FMN1: variants seen among roughly 807,000 people sequenced by gnomAD.
FMN1 encodes the protein formin 1.
Under a neutral mutation model 132.4 loss-of-function variants are expected in FMN1, and 110 were observed. The ratio of observed to expected loss-of-function variants is 0.83; its 90% CI spans 0.71 to 0.97. The LOEUF (loss-of-function observed/expected upper bound fraction) is 0.97, where lower values mean the gene tolerates loss of function less well. Ranked by LOEUF, FMN1 falls within the 50% of genes least tolerant of loss-of-function variation. The pLI, the probability that FMN1 is intolerant of heterozygous loss-of-function variation, is 0.00. For synonymous variants in FMN1, 722 were observed against 651.7 expected, an observed-to-expected ratio of 1.11 and a Z score of -1.64; for missense variants, 1,792 against 1,705.3, an observed-to-expected ratio of 1.05 and a Z score of -0.90.
chr15:33,079,099 G>A (rs1307808469), intron 5 of FMN1, among the ~76,000 whole-genome samples: 1 of 152,038 alleles, frequency 6.6e-6, no homozygotes, highest in Non-Finnish European at 1.5e-5. Context: ...ATAAAATTCA[G>A]TTCTATTCTG....
At chr15:33,051,956 T>G (rs553069422) in intron 6 of FMN1, among the ~76,000 whole-genome samples, 8 of 152,324 alleles carry the variant, frequency 5.3e-5, no homozygotes, top group Non-Finnish European at 1.2e-4. Flanking sequence ...GCTCTAAAGT[T>G]TTTTAATCAA....
At chr15:33,066,848 G>C (rs778766727) in intron 5 of FMN1, 2 of 1,613,972 alleles carry the variant, frequency 1.2e-6, no homozygotes, top group Admixed American at 1.7e-5. Context: ...GAGCAGCAGA[G>C]AGAGCTGCTC....
intron 7 of FMN1, among the ~76,000 whole-genome samples, chr15:32,981,892 GATCA>G (rs1199086790): frequency 1.3e-5 from 2 of 152,018 alleles, no homozygotes; most frequent in East Asian, 1.9e-4. Flanking sequence ...TTTAAAAACT[GATCA>G]ATTAGACAGA....
chr15:32,807,824 T>G (rs559149572), intron 17 of FMN1, among the ~76,000 whole-genome samples: 1 of 152,122 alleles, frequency 6.6e-6, no homozygotes, highest in Non-Finnish European at 1.5e-5. Flanking sequence ...GAGAAGAAAT[T>G]AGAGATTTAA....
rs1323279335 is a variant in FMN1 at position 33,082,197 on chromosome 15, C to T, written c.2043+6602G>A. ...AAGCGATTCTTCTGCCTCAGCCTCC[C>T]GAGCATCTGGGATTACAGGCGCCCA... On this transcript the variant is annotated intron_variant, in intron 5 of 20. Coordinates refer to ENST00000616417, the MANE Select transcript of FMN1 (RefSeq NM_001277313.2). Among the ~76,000 whole-genome samples, 15 of 151,958 alleles carry T rather than the reference C, an allele frequency of 9.9e-5. No individual in the cohort carries two copies. The South Asian group carries it at 1.7e-3, about 17-fold the overall frequency.
intron 5 of FMN1, among the ~76,000 whole-genome samples, chr15:33,082,993 T>C (rs1389608200): frequency 2.0e-5 from 3 of 152,180 alleles, no homozygotes; most frequent in Non-Finnish European, 4.4e-5. Flanking sequence ...CAGAGCTTTG[T>C]AGTTTGCCCA....
In FMN1 at chr15:33,077,006, A is replaced by C. The variant is rs552495021; in HGVS notation, c.2043+11793T>G. Among the ~76,000 whole-genome samples, 165 of 152,330 alleles carry C rather than the reference A, an allele frequency of 1.1e-3. 1 individual carries two copies. The highest frequency in any genetic ancestry group is 3.4e-3 in the Middle Eastern group (1 of 294). ...CAATGCACTAAAATTGCAAAGGAGA[A>C]GGTAAGTCAGGCATTGCCACAGCTA... On this transcript the variant is annotated intron_variant, in intron 5 of 20. Coordinates refer to ENST00000616417, the MANE Select transcript of FMN1 (RefSeq NM_001277313.2).
chr15:32,776,090 T>G (rs982476914), intron 20 of FMN1, among the ~76,000 whole-genome samples: 1 of 152,180 alleles, frequency 6.6e-6, no homozygotes, highest in Non-Finnish European at 1.5e-5. Flanking sequence ...AAAAAAAAAG[T>G]AGTATGTTCT....
At chr15:33,070,036 G>C (rs2037933140) in intron 5 of FMN1, among the ~76,000 whole-genome samples, 1 of 101,686 alleles carries the variant, frequency 9.8e-6, no homozygotes, top group African/African-American at 3.9e-5. Flanking sequence ...ACCGAGTTTC[G>C]CTCTTCTTGC....
intron 4 of FMN1, among the ~76,000 whole-genome samples, chr15:33,122,063 G>T (rs954528345): frequency 6.6e-6 from 1 of 152,058 alleles, no homozygotes; most frequent in African/African-American, 2.4e-5. Context: ...ACAAAGAACA[G>T]ACAAATAAAG....
rs1345774800 is a variant in FMN1, at chr15:33,153,295, G to A, written c.1620C>T (p.Leu540=). The A allele has an allele frequency of 1.3e-6, 2 of 1,536,106 alleles. No homozygotes were observed. Among genetic ancestry groups the A allele is most frequent in the East Asian group, 2.4e-5 (1 of 40,928 alleles). ...CTTCCCTCTCACCAGGCAATGCAGGGAGCCGGAGGATCCTGTGATGCTGCT... is the reference window on the plus strand; with the variant it reads ...CTTCCCTCTCACCAGGCAATGCAGGAAGCCGGAGGATCCTGTGATGCTGCT... ...SPQQHHRILR[L]PALPGEREAA... The change falls in exon 4 of 21, where the codon CTC becomes CTT. Residue 540 remains leucine (L), a synonymous_variant. Transcript: ENST00000616417.
intron 19 of FMN1, among the ~76,000 whole-genome samples, chr15:32,789,071 T>C (rs1412582631): frequency 6.6e-6 from 1 of 152,180 alleles, no homozygotes; most frequent in Non-Finnish European, 1.5e-5. Context: ...AATTTCAACA[T>C]GGCAAAAGGA....
At chr15:32,775,822 A>C (rs1258736) in intron 20 of FMN1, among the ~76,000 whole-genome samples, 1 of 152,110 alleles carries the variant, frequency 6.6e-6, no homozygotes, top group African/African-American at 2.4e-5. Context: ...GATTTGAAGC[A>C]TCCAGCAAAA....
intron 18 of FMN1, among the ~76,000 whole-genome samples, chr15:32,801,315 T>TA (rs150268551): frequency 2.0e-5 from 3 of 151,864 alleles, no homozygotes; most frequent in Admixed American, 1.3e-4. Flanking sequence ...GGAGAAACAC[T>TA]AAAAAAAATA....
At chr15:32,983,602 C>T (rs959867747) in intron 7 of FMN1, among the ~76,000 whole-genome samples, 18 of 152,168 alleles carry the variant, frequency 1.2e-4, no homozygotes, top group Non-Finnish European at 8.8e-5. Context: ...TAAGTGAACA[C>T]TAATATAATG....
intron 16 of FMN1, among the ~76,000 whole-genome samples, chr15:32,868,118 A>C (rs1318688575): frequency 6.6e-6 from 1 of 152,216 alleles, no homozygotes; most frequent in African/African-American, 2.4e-5. Context: ...TCTGTCAATA[A>C]TGGACCACAT....
Position 32,863,639 on chromosome 15 carries a change from T to C in FMN1, c.3836-6532A>G, listed in dbSNP as rs114223293. Among the ~76,000 whole-genome samples the C allele has an allele frequency of 2.2e-3, 329 of 152,270 alleles. 2 individuals are homozygous for C. The highest frequency in any genetic ancestry group is 7.4e-3 in the African/African-American group (307 of 41,548). On this transcript the variant is annotated intron_variant, in intron 16 of 20. Transcript: ENST00000616417. ...GGGTATGGCACGCAGTAATTATTGT[T>C]TCTAGTAACTTGAACTGCAGGCAAA...
intron 5 of FMN1, among the ~76,000 whole-genome samples, chr15:33,066,127 T>C (rs17235547): frequency 0.3 from 45,978 of 152,102 alleles, 7,554 homozygotes; most frequent in Admixed American, 0.37. Context: ...AAAGGAACGA[T>C]AGACTTTCTG....
chr15:33,157,337 T>C (rs1964712663), intron 3 of FMN1, among the ~76,000 whole-genome samples: 1 of 152,070 alleles, frequency 6.6e-6, no homozygotes. Flanking sequence ...GGAATATGAC[T>C]GCGTATTCTA....
Sources: allele counts gnomAD v4.1 joint callset (sites outside exome capture counted in the v4.1 genomes callset), GRCh38; gene constraint gnomAD v4.1.1; transcripts MANE v1.5; gene names NCBI Gene and HGNC (gene_info 2026-07-23, HGNC 2026-07-21).